PDE1C: variants seen among roughly 807,000 people sequenced by gnomAD.
PDE1C encodes the protein phosphodiesterase 1C.
Under a neutral mutation model 93.1 loss-of-function variants are expected in PDE1C, and 62 were observed. The ratio of observed to expected loss-of-function variants is 0.67; its 90% CI spans 0.54 to 0.82. PDE1C has a LOEUF of 0.82. Among genes scored for constraint, PDE1C ranks in the 40% least tolerant of loss-of-function variants. The pLI is 0.00. For missense variants in PDE1C, 742 were observed against 884.6 expected (o/e 0.84, Z 2.04); for synonymous variants, 325 against 310.1 (o/e 1.05, Z -0.50).
intron 3 of PDE1C, among the ~76,000 whole-genome samples, chr7:32,082,356 C>T (rs1247095886): frequency 7.9e-5 from 12 of 152,326 alleles, no homozygotes; most frequent in South Asian, 4.1e-4. Flanking sequence ...ACAAAGCAGC[C>T]GGGAAGCTCG....
At chr7:32,181,655 T>C (rs1803433082) in intron 2 of PDE1C, among the ~76,000 whole-genome samples, 1 of 151,356 alleles carries the variant, frequency 6.6e-6, no homozygotes, top group Non-Finnish European at 1.5e-5. Context: ...AAGCAGTGTG[T>C]AGAGGGAAAT....
the PDE1C span, among the ~76,000 whole-genome samples, chr7:31,640,985 CT>C: frequency 6.6e-6 from 1 of 152,114 alleles, no homozygotes; most frequent in South Asian, 2.1e-4. Context: ...CCATTACTTT[CT>C]CTTGACTTTG....
intron 16 of PDE1C, among the ~76,000 whole-genome samples, chr7:31,801,323 A>T (rs774567177): frequency 2.0e-5 from 3 of 151,476 alleles, no homozygotes; most frequent in Non-Finnish European, 4.4e-5. Context: ...GAATAATAAC[A>T]TAATACAAAC....
chr7:32,295,286 A>G (rs992802849), intron 1 of PDE1C, among the ~76,000 whole-genome samples: 1 of 152,210 alleles, frequency 6.6e-6, no homozygotes, highest in African/African-American at 2.4e-5. Context: ...CAGCAGAAGT[A>G]AAGTCCACTG....
intron 1 of PDE1C, among the ~76,000 whole-genome samples, chr7:32,392,472 G>A (rs1784768499): frequency 6.6e-6 from 1 of 152,072 alleles, no homozygotes; most frequent in Admixed American, 6.6e-5. Context: ...TGATATCAAA[G>A]CCAAAGATAT....
At chr7:32,173,580 A>C (rs1248431423) in intron 2 of PDE1C, among the ~76,000 whole-genome samples, 1 of 152,220 alleles carries the variant, frequency 6.6e-6, no homozygotes, top group Admixed American at 6.5e-5. Context: ...AGCTGTGTCT[A>C]TGCAAAATAC....
At chr7:31,616,778 A>C in the PDE1C span, among the ~76,000 whole-genome samples, 1 of 148,438 alleles carries the variant, frequency 6.7e-6, no homozygotes, top group East Asian at 1.9e-4. Flanking sequence ...AAAACCAAAA[A>C]GGTTTCTAAA....
chr7:31,845,346 T>A (rs1442366697), intron 9 of PDE1C, among the ~76,000 whole-genome samples: 1 of 152,188 alleles, frequency 6.6e-6, no homozygotes, highest in Admixed American at 6.6e-5. Flanking sequence ...TCCTGAACAT[T>A]ATGGATATAA....
intron 1 of PDE1C, among the ~76,000 whole-genome samples, chr7:32,390,208 T>C (rs984044183): frequency 3.3e-5 from 5 of 151,964 alleles, no homozygotes; most frequent in African/African-American, 1.2e-4. Flanking sequence ...TAATAAAAAG[T>C]AGAGGGCAGG....
At chr7:32,107,915 G>T (rs1324449236) in intron 3 of PDE1C, among the ~76,000 whole-genome samples, 1 of 152,004 alleles carries the variant, frequency 6.6e-6, no homozygotes, top group Non-Finnish European at 1.5e-5. Flanking sequence ...AAGCAGTAGA[G>T]TGTTACTTAA....
intron 1 of PDE1C, among the ~76,000 whole-genome samples, chr7:32,322,632 T>G: frequency 6.6e-6 from 1 of 151,568 alleles, no homozygotes; most frequent in African/African-American, 2.4e-5. Context: ...TTTTTTTTTT[T>G]TTGAGATGGA....
the PDE1C span, among the ~76,000 whole-genome samples, chr7:31,683,503 C>T: frequency 2.0e-5 from 3 of 152,000 alleles, no homozygotes; most frequent in African/African-American, 7.3e-5. Context: ...CAGGACCTGA[C>T]ATGTGTTCAA....
intron 2 of PDE1C, among the ~76,000 whole-genome samples, chr7:31,922,381 C>A (rs1802740315): frequency 6.6e-6 from 1 of 152,222 alleles, no homozygotes; most frequent in Non-Finnish European, 1.5e-5. Context: ...CCATCATTTG[C>A]ATAGTGATAG....
the PDE1C span, among the ~76,000 whole-genome samples, chr7:31,639,078 G>A: frequency 6.6e-6 from 1 of 152,022 alleles, no homozygotes; most frequent in Admixed American, 6.6e-5. Context: ...CGCCCAGCCA[G>A]TAATTTGATT....
At chr7:31,762,907 T>C (rs1473403061) in intron 17 of PDE1C, among the ~76,000 whole-genome samples, 1 of 152,138 alleles carries the variant, frequency 6.6e-6, no homozygotes, top group Admixed American at 6.5e-5. Flanking sequence ...AGATAAACCA[T>C]GTAGTTTTGC....
At chr7:32,095,130 T>C (rs1272030056) in intron 3 of PDE1C, among the ~76,000 whole-genome samples, 1 of 152,210 alleles carries the variant, frequency 6.6e-6, no homozygotes, top group African/African-American at 2.4e-5. Context: ...CTAGAATATA[T>C]AGGAAATTTA....
At chr7:32,269,418 T>C (rs1458312527) in intron 1 of PDE1C, among the ~76,000 whole-genome samples, 1 of 152,000 alleles carries the variant, frequency 6.6e-6, no homozygotes, top group Non-Finnish European at 1.5e-5. Context: ...TATATGCATA[T>C]GGCAGGGAGT....
chr7:32,320,506 G>A (rs1036375962), intron 1 of PDE1C, among the ~76,000 whole-genome samples: 4 of 151,278 alleles, frequency 2.6e-5, no homozygotes, highest in African/African-American at 9.7e-5. Flanking sequence ...ATGTACCCCT[G>A]AACTTAAAAG....
At chr7:31,717,921 G>A in the PDE1C span, among the ~76,000 whole-genome samples, 18 of 152,266 alleles carry the variant, frequency 1.2e-4, no homozygotes, top group East Asian at 1.9e-4. Flanking sequence ...GGTATCTACC[G>A]TGGACAGAGC....
Sources: allele counts gnomAD v4.1 joint callset (sites outside exome capture counted in the v4.1 genomes callset), GRCh38; gene constraint gnomAD v4.1.1; transcripts MANE v1.5; gene names NCBI Gene and HGNC (gene_info 2026-07-23, HGNC 2026-07-21).